The following CNTN5 variants were observed in gnomAD, a reference collection of about 807,000 sequenced individuals.
CNTN5 encodes contactin-5.
In CNTN5, 77 loss-of-function variants were observed where a neutral mutation model predicts 129.1. The ratio of observed to expected loss-of-function variants is 0.60; its 90% CI spans 0.50 to 0.72. The LOEUF (loss-of-function observed/expected upper bound fraction) is 0.72, where lower values mean the gene tolerates loss of function less well. CNTN5 is among the 30% of genes least tolerant of loss of function. The pLI is 0.00. For synonymous variants in CNTN5, 509 were observed against 465.6 expected, an observed-to-expected ratio of 1.09 and a Z score of -1.20; for missense variants, 1,478 against 1,328.8, an observed-to-expected ratio of 1.11 and a Z score of -1.75.
At chr11:99,912,811 A>T (rs1949696307) in intron 6 of CNTN5, among the ~76,000 whole-genome samples, 1 of 152,164 alleles carries the variant, frequency 6.6e-6, no homozygotes, top group South Asian at 2.1e-4. Context: ...TTTGATCACA[A>T]AATTTCTCAT....
chr11:100,288,521 A>T (rs1285412726), intron 18 of CNTN5, among the ~76,000 whole-genome samples: 3 of 152,194 alleles, frequency 2.0e-5, no homozygotes, highest in Non-Finnish European at 4.4e-5. Flanking sequence ...GGGTACACAA[A>T]GAAATGAAGG....
chr11:99,587,784 A>G (rs1949847943), intron 3 of CNTN5, among the ~76,000 whole-genome samples: 1 of 152,230 alleles, frequency 6.6e-6, no homozygotes, highest in African/African-American at 2.4e-5. Context: ...GCCATTTGCT[A>G]GCAAAACACT....
At chr11:99,248,247 G>A (rs560468823) in intron 1 of CNTN5, among the ~76,000 whole-genome samples, 1 of 152,076 alleles carries the variant, frequency 6.6e-6, no homozygotes, top group Admixed American at 6.6e-5. Context: ...TCTTTTGGGT[G>A]CGTAAATGTC....
intron 9 of CNTN5, among the ~76,000 whole-genome samples, chr11:100,040,441 T>C (rs113379027): frequency 6.6e-6 from 1 of 152,102 alleles, no homozygotes; most frequent in Non-Finnish European, 1.5e-5. Flanking sequence ...GAGGCATTCT[T>C]CCCATTCTCA....
chr11:99,106,688 C>T (rs1867014513), intron 1 of CNTN5, among the ~76,000 whole-genome samples: 1 of 151,936 alleles, frequency 6.6e-6, no homozygotes, highest in African/African-American at 2.4e-5. Context: ...ATTTTCTTAT[C>T]TTTAAGTCAT....
At chr11:99,825,526 A>C (rs1490946242) in intron 4 of CNTN5, among the ~76,000 whole-genome samples, 4 of 152,054 alleles carry the variant, frequency 2.6e-5, no homozygotes, top group African/African-American at 9.6e-5. Context: ...ATAATTTCTT[A>C]TAATTTTTCT....
intron 3 of CNTN5, among the ~76,000 whole-genome samples, chr11:99,599,424 A>G (rs1393461201): frequency 6.6e-6 from 1 of 152,156 alleles, no homozygotes; most frequent in African/African-American, 2.4e-5. Context: ...TTTACATATT[A>G]TATCTGTAAG....
intron 6 of CNTN5, among the ~76,000 whole-genome samples, chr11:99,854,307 G>C (rs926800664): frequency 6.6e-6 from 1 of 152,116 alleles, no homozygotes; most frequent in Non-Finnish European, 1.5e-5. Context: ...ATAAATCTTT[G>C]ATGGCTTACA....
chr11:99,155,014 G>T (rs1214580447), intron 1 of CNTN5, among the ~76,000 whole-genome samples: 1 of 152,102 alleles, frequency 6.6e-6, no homozygotes, highest in East Asian at 1.9e-4. Context: ...TATCTAAGCA[G>T]CTCCCTCTGC....
At chr11:99,598,355 T>TCC (rs1950202716) in intron 3 of CNTN5, among the ~76,000 whole-genome samples, 3 of 51,854 alleles carry the variant, frequency 5.8e-5, no homozygotes, top group South Asian at 1.1e-3. Flanking sequence ...TCTCTCTCTC[T>TCC]CTCTCTCTCT....
chr11:99,684,229 C>A (rs1953687202), intron 3 of CNTN5, among the ~76,000 whole-genome samples: 1 of 151,770 alleles, frequency 6.6e-6, no homozygotes, highest in African/African-American at 2.4e-5. Flanking sequence ...TTATAGTTTT[C>A]TATCGAAAAG....
intron 2 of CNTN5, among the ~76,000 whole-genome samples, chr11:99,365,069 G>A (rs2136117360): frequency 6.6e-6 from 1 of 152,166 alleles, no homozygotes; most frequent in South Asian, 2.1e-4. Flanking sequence ...ACAGGAAAAG[G>A]CCAAGTGACA....
chr11:99,024,380 T>C (rs946575561), intron 1 of CNTN5, among the ~76,000 whole-genome samples: 7 of 152,142 alleles, frequency 4.6e-5, no homozygotes, highest in African/African-American at 1.7e-4. Flanking sequence ...ACAGTGGCTA[T>C]AAAAGCAATT....
rs1218459444 is a variant in CNTN5, at chr11:100,094,761, G to GA, written c.1580+20468dup. 4.5e-3 allele frequency among the ~76,000 whole-genome samples: 622 copies of GA among 138,314 alleles called. 6 individuals are homozygous for GA. The highest frequency in any genetic ancestry group is 0.016 in the African/African-American group (595 of 36,212). The allele number at this position is 138,314 out of a possible 152,430, so 90.7% of individuals were successfully genotyped here. A position where few individuals can be genotyped will look rare whatever the true frequency, so the allele number is the denominator to read the frequency against. The stretch of plus-strand genomic sequence containing the variant: ...GGGAAAGAAGAAGGAGGGAGGGAGG[G>GA]AGGAAAGGAAGGAAGGAAGGAAGGA... On this transcript the variant is annotated intron_variant, in intron 13 of 24. Coordinates refer to ENST00000524871, the MANE Select transcript of CNTN5 (RefSeq NM_014361.4).
chr11:99,191,405 T>C (rs1858635967), intron 1 of CNTN5, among the ~76,000 whole-genome samples: 1 of 151,326 alleles, frequency 6.6e-6, no homozygotes, highest in South Asian at 2.1e-4. Context: ...TGAGAGAGAG[T>C]GGTATTAGGA....
chr11:99,705,984 G>A (rs188183010), intron 3 of CNTN5, among the ~76,000 whole-genome samples: 37 of 151,512 alleles, frequency 2.4e-4, no homozygotes, highest in African/African-American at 8.7e-4. Context: ...GGAGAGAGAC[G>A]CCATCAAACT....
intron 3 of CNTN5, among the ~76,000 whole-genome samples, chr11:99,795,604 A>G (rs199953073): frequency 1.8e-5 from 2 of 109,054 alleles, no homozygotes; most frequent in Non-Finnish European, 3.8e-5. Context: ...TTTTTTTTGT[A>G]TTTATCTTCC....
intron 4 of CNTN5, chr11:99,844,607 G>A (rs543329287): frequency 8.6e-6 from 4 of 467,368 alleles, no homozygotes; most frequent in Admixed American, 7.3e-5. Context: ...AAATATAAAT[G>A]TCTGAGGTTT....
In CNTN5 at chr11:100,199,209, G is replaced by A. The variant is rs192869495; in HGVS notation, c.1884+5546G>A. ...CTAAACAGGAAGTGTATCAAAGGGC[G>A]GAAGATCTAACAAAGGCTCACAGTC... On this transcript the variant is annotated intron_variant, in intron 15 of 24. Coordinates refer to ENST00000524871, the MANE Select transcript of CNTN5 (RefSeq NM_014361.4). Among the ~76,000 whole-genome samples, 461 of 151,886 alleles carry A rather than the reference G, an allele frequency of 3.0e-3. 5 individuals carry two copies. The highest frequency in any genetic ancestry group is 6.6e-3 in the South Asian group (32 of 4,814).
Sources: gnomAD v4.1 joint callset for allele counts (sites outside exome capture counted in the v4.1 genomes callset) on GRCh38, gnomAD v4.1.1 for gene constraint, MANE v1.5 for transcripts, NCBI Gene and HGNC (gene_info 2026-07-23, HGNC 2026-07-21) for gene names.